Variants in DCAF6 observed in about 807,000 individuals in gnomAD.
DCAF6 encodes the protein DDB1- and CUL4-associated factor 6.
Under a neutral mutation model 125.1 loss-of-function variants are expected in DCAF6, and 54 were observed. The ratio of observed to expected loss-of-function variants is 0.43; its 90% CI spans 0.35 to 0.54. The LOEUF is 0.54. Among genes scored for constraint, DCAF6 ranks in the 20% least tolerant of loss-of-function variants. The pLI, the probability that DCAF6 is intolerant of heterozygous loss-of-function variation, is 0.01. For missense variants in DCAF6, 934 were observed against 1,161.7 expected (o/e 0.80, Z 2.85); for synonymous variants, 371 against 390.4 (o/e 0.95, Z 0.58).
intron 17 of DCAF6, among the ~76,000 whole-genome samples, chr1:168,054,628 A>T (rs1032696756): frequency 6.6e-6 from 1 of 152,112 alleles, no homozygotes; most frequent in African/African-American, 2.4e-5. Context: ...ACTCTTACTT[A>T]TAGGATTCAA....
At chr1:167,983,913 A>G (rs1571798947) in intron 4 of DCAF6, among the ~76,000 whole-genome samples, 1 of 152,166 alleles carries the variant, frequency 6.6e-6, no homozygotes, top group Non-Finnish European at 1.5e-5. Flanking sequence ...ACTTAAGGAC[A>G]GATTAAATTG....
At chr1:168,018,288 G>A (rs181504782) in intron 11 of DCAF6, among the ~76,000 whole-genome samples, 12 of 152,198 alleles carry the variant, frequency 7.9e-5, no homozygotes, top group Admixed American at 7.2e-4. Flanking sequence ...CCATTCTAAG[G>A]CACCAAATGA....
chr1:167,882,761 C>T, the DCAF6 span, among the ~76,000 whole-genome samples: 10,863 of 152,220 alleles, frequency 0.071, 579 homozygotes, highest in East Asian at 0.26. Flanking sequence ...ACGGGGATGG[C>T]AGACTGCCTG....
chr1:168,068,828 C>T (rs569944640), intron 21 of DCAF6, among the ~76,000 whole-genome samples: 1 of 152,170 alleles, frequency 6.6e-6, no homozygotes, highest in African/African-American at 2.4e-5. Flanking sequence ...AGAAATGAAA[C>T]ATACCTCAGT....
chr1:167,936,719 C>T lies in DCAF6; in HGVS notation c.-193C>T. 1 of 589,538 alleles carries T rather than the reference C, an allele frequency of 1.7e-6. No individual in the cohort carries two copies. 36.5% of individuals were successfully genotyped at this position (589,538 alleles called of 1,614,324 possible). On this transcript the variant is annotated 5_prime_UTR_variant, in exon 1 of 22. It introduces an in-frame stop codon into an upstream open reading frame of the 5' UTR. Transcript: ENST00000367840. ...TTAGTCTAAGAAGGAGAGTATGAGG[C>T]GAGCTCCGGCCCGGGTGCGGCCGGG...
intron 7 of DCAF6, among the ~76,000 whole-genome samples, chr1:167,999,078 G>A (rs1682205234): frequency 1.3e-5 from 2 of 152,110 alleles, no homozygotes; most frequent in South Asian, 4.1e-4. Context: ...CCTGAAGGTT[G>A]AAATTACTCT....
intron 10 of DCAF6, among the ~76,000 whole-genome samples, chr1:168,010,991 G>T (rs979545498): frequency 6.6e-6 from 1 of 152,064 alleles, no homozygotes; most frequent in South Asian, 2.1e-4. Flanking sequence ...TGGTAACTTT[G>T]AAGTGGATGG....
At chr1:167,876,827 A>C in the DCAF6 span, among the ~76,000 whole-genome samples, 18 of 152,308 alleles carry the variant, frequency 1.2e-4, no homozygotes, top group African/African-American at 4.3e-4. Flanking sequence ...CTGCAAACAT[A>C]AGACATAGGA....
intron 17 of DCAF6, chr1:168,056,493 C>A (rs374489717): frequency 2.8e-6 from 2 of 725,068 alleles, no homozygotes; most frequent in East Asian, 4.3e-5. Context: ...CGGGGAGGGG[C>A]CCAGGCTTAA....
At chr1:167,993,186 A>G (rs770392371) in intron 6 of DCAF6, 40 bp from the exon 7 acceptor site, 2 of 1,530,894 alleles carry the variant, frequency 1.3e-6, no homozygotes, top group Admixed American at 1.9e-5. Context: ...TTTTCTTTAA[A>G]ACATTATTAA....
chr1:167,987,669 T>G, intron 5 of DCAF6, 61 bp downstream of exon 5: 2 of 863,920 alleles, frequency 2.3e-6, no homozygotes, highest in Non-Finnish European at 3.8e-6. Context: ...TTAAAATTGG[T>G]TATAATTAAA....
the DCAF6 span, among the ~76,000 whole-genome samples, chr1:167,925,440 C>CATAT: frequency 1.9e-3 from 95 of 49,634 alleles, 1 homozygote; most frequent in Non-Finnish European, 3.2e-3. Flanking sequence ...TATACATATA[C>CATAT]ACATATATAT....
At chr1:167,915,678 T>C in the DCAF6 span, among the ~76,000 whole-genome samples, 2,320 of 152,256 alleles carry the variant, frequency 0.015, 56 homozygotes, top group African/African-American at 0.051. Flanking sequence ...CGCGAACTCC[T>C]GACCTCAGGT....
chr1:167,904,793 C>T, the DCAF6 span: 2 of 671,210 alleles, frequency 3.0e-6, no homozygotes, highest in South Asian at 1.8e-5. Context: ...CTATGACTGG[C>T]AGTCCTGAGT....
chr1:167,872,999 C>T, the DCAF6 span, among the ~76,000 whole-genome samples: 3 of 151,060 alleles, frequency 2.0e-5, no homozygotes, highest in East Asian at 1.9e-4. Flanking sequence ...GAACCCGGGA[C>T]GCAGAGGTTG....
chr1:167,973,923 G>A (rs1677738204), intron 3 of DCAF6, among the ~76,000 whole-genome samples: 1 of 152,084 alleles, frequency 6.6e-6, no homozygotes, highest in South Asian at 2.1e-4. Context: ...CCTAGTCAAA[G>A]AGTAAGCACA....
chr1:168,031,539 T>C (rs1687091029), intron 12 of DCAF6, among the ~76,000 whole-genome samples: 1 of 152,134 alleles, frequency 6.6e-6, no homozygotes, highest in South Asian at 2.1e-4. Flanking sequence ...AGAAAAGCAA[T>C]TCAAAACAAT....
intron 5 of DCAF6, among the ~76,000 whole-genome samples, chr1:167,990,179 C>A (rs1026068000): frequency 7.2e-5 from 11 of 152,110 alleles, no homozygotes; most frequent in Admixed American, 6.5e-4. Context: ...GCCTAGGCAA[C>A]ATAGTGAGAC....
the DCAF6 span, among the ~76,000 whole-genome samples, chr1:167,925,327 T>C: frequency 3.3e-5 from 5 of 151,240 alleles, no homozygotes; most frequent in East Asian, 7.7e-4. Context: ...TAATAGAATG[T>C]AGAATAATAA....
Sources: allele counts gnomAD v4.1 joint callset (sites outside exome capture counted in the v4.1 genomes callset), GRCh38; gene constraint gnomAD v4.1.1; transcripts MANE v1.5; gene names NCBI Gene and HGNC (gene_info 2026-07-23, HGNC 2026-07-21).